SLC4A7: variants seen among roughly 807,000 people sequenced by gnomAD.
SLC4A7 encodes the protein sodium bicarbonate cotransporter 3.
In SLC4A7, 51 loss-of-function variants were observed where a neutral mutation model predicts 137.6. The observed-to-expected ratio is 0.37, with a 90% CI of 0.30 to 0.47. The LOEUF (loss-of-function observed/expected upper bound fraction) is 0.47, where lower values mean the gene tolerates loss of function less well. SLC4A7 is among the 20% of genes least tolerant of loss of function. The pLI, the probability that SLC4A7 is intolerant of heterozygous loss-of-function variation, is 1.00. For synonymous variants in SLC4A7, 542 were observed against 518.6 expected (o/e 1.05, Z -0.61); for missense variants, 1,247 against 1,525.4 (o/e 0.82, Z 3.04).
At chr3:27,383,334 A>C in intron 23 of SLC4A7, 84 bp from the exon 24 acceptor site, 1 of 953,750 alleles carries the variant, frequency 1.0e-6, no homozygotes, top group Non-Finnish European at 1.6e-6. Context: ...TTACAGACTT[A>C]GAAACCCAAA....
intron 10 of SLC4A7, among the ~76,000 whole-genome samples, chr3:27,419,023 T>G (rs1033800182): frequency 2.6e-5 from 4 of 152,194 alleles, no homozygotes; most frequent in African/African-American, 7.2e-5. Flanking sequence ...ATAATTTATT[T>G]AATGACCAAT....
At chr3:27,411,910 G>T (rs1049682317) in intron 11 of SLC4A7, among the ~76,000 whole-genome samples, 162 bp from the exon 12 acceptor site, 3 of 152,070 alleles carry the variant, frequency 2.0e-5, no homozygotes, top group African/African-American at 7.2e-5. Flanking sequence ...GAAATAGATT[G>T]CTCTTTAAAA....
chr3:27,484,119 G>C lies in SLC4A7; in HGVS notation c.8C>G (p.Ala3Gly). The C allele has an allele frequency of 7.2e-7, 1 of 1,383,620 alleles. No homozygotes were observed. Among genetic ancestry groups the C allele is most frequent in the Non-Finnish European group, 9.4e-7 (1 of 1,063,776 alleles). The allele number at this position is 1,383,620 out of a possible 1,614,324, so 85.7% of individuals were successfully genotyped here. Residue 3 changes from alanine (A) to glycine (G), a missense_variant, in exon 1 of 26, where the codon GCT becomes GGT. Transcript: ENST00000454389. The stretch of plus-strand genomic sequence containing the variant: ...TCTCATCTGCTCGCCGGCCCCATCA[G>C]CCTCCATGGCCGGCCGGCCAGCCCG... ME[A>G]DGAGEQMRPL...
At chr3:27,466,889 A>G (rs945025808) in intron 1 of SLC4A7, among the ~76,000 whole-genome samples, 12 of 152,112 alleles carry the variant, frequency 7.9e-5, no homozygotes, top group Non-Finnish European at 1.6e-4. Context: ...TTTTCTTTAT[A>G]TTTTCCTATA....
chr3:27,483,753 G>A (rs931175575), intron 1 of SLC4A7, among the ~76,000 whole-genome samples: 3 of 152,112 alleles, frequency 2.0e-5, no homozygotes, highest in African/African-American at 7.2e-5. Context: ...TGAGGGAAGG[G>A]ATGGATGGTC....
At chr3:27,440,195 G>T (rs550257448) in intron 3 of SLC4A7, among the ~76,000 whole-genome samples, 1 of 152,184 alleles carries the variant, frequency 6.6e-6, no homozygotes, top group Admixed American at 6.5e-5. Context: ...CTAAAATCAC[G>T]GTGTTGGCAG....
chr3:27,428,895 T>A (rs2055943795), intron 7 of SLC4A7, among the ~76,000 whole-genome samples: 1 of 152,174 alleles, frequency 6.6e-6, no homozygotes. Flanking sequence ...TTATTTTATA[T>A]TAGGCAAAAA....
chr3:27,416,088 A>G (rs1321740560), intron 11 of SLC4A7, among the ~76,000 whole-genome samples: 9 of 152,220 alleles, frequency 5.9e-5, no homozygotes, highest in African/African-American at 2.2e-4. Context: ...TATGAGTCCC[A>G]TGTTGTTACT....
intron 1 of SLC4A7, among the ~76,000 whole-genome samples, chr3:27,452,838 A>C (rs971538514): frequency 6.6e-6 from 1 of 152,192 alleles, no homozygotes; most frequent in African/African-American, 2.4e-5. Flanking sequence ...AGGAATCCTT[A>C]GATGTCAACA....
chr3:27,478,387 G>A (rs751715060), intron 1 of SLC4A7, among the ~76,000 whole-genome samples: 13 of 150,838 alleles, frequency 8.6e-5, no homozygotes, highest in South Asian at 2.1e-4. Flanking sequence ...GCGTGGTGGC[G>A]TGCGCCTGTA....
intron 11 of SLC4A7, 124 bp downstream of exon 11, chr3:27,418,362 G>GT (rs1219795022): frequency 7.1e-6 from 5 of 701,866 alleles, no homozygotes; most frequent in Non-Finnish European, 9.6e-6. Context: ...AAGTATGGGG[G>GT]TAAGAAGGTA....
At position 27,378,190 on chromosome 3, in the gene SLC4A7, G is replaced by A. The variant is rs1576036684; in HGVS notation, c.3698+1059C>T. Among the ~76,000 whole-genome samples the A allele has an allele frequency of 3.9e-5, 6 of 152,272 alleles. No individual in the cohort carries two copies. The South Asian group carries it at 1.2e-3, about 32-fold the overall frequency. On this transcript the variant is annotated intron_variant, in intron 25 of 25. Coordinates refer to ENST00000454389, the MANE Select transcript of SLC4A7 (RefSeq NM_001321103.2). ...CTGAGAAATTAGAACTCAGATGACAGAAGAGAAAAACATATGATAGAGAGT... is the reference window on the plus strand; with the variant it reads ...CTGAGAAATTAGAACTCAGATGACAAAAGAGAAAAACATATGATAGAGAGT...
At chr3:27,467,909 A>C (rs1348910770) in intron 1 of SLC4A7, among the ~76,000 whole-genome samples, 1 of 152,220 alleles carries the variant, frequency 6.6e-6, no homozygotes, top group Non-Finnish European at 1.5e-5. Flanking sequence ...TCAGAAAAAA[A>C]TTATCAAGGC....
At chr3:27,442,292 TC>T (rs1202148456) in intron 3 of SLC4A7, among the ~76,000 whole-genome samples, 1 of 152,194 alleles carries the variant, frequency 6.6e-6, no homozygotes, top group East Asian at 1.9e-4. Context: ...ATCTTGTATA[TC>T]TTTAGAGAAA....
At chr3:27,425,821 G>A (rs766473286) in intron 7 of SLC4A7, among the ~76,000 whole-genome samples, 2 of 151,302 alleles carry the variant, frequency 1.3e-5, no homozygotes, top group South Asian at 4.1e-4. Context: ...GTTTTCTAGT[G>A]CAAGAATATA....
At chr3:27,405,250 C>G (rs2053221712) in intron 13 of SLC4A7, among the ~76,000 whole-genome samples, 1 of 152,130 alleles carries the variant, frequency 6.6e-6, no homozygotes, top group Non-Finnish European at 1.5e-5. Context: ...ACACTCCAAA[C>G]TTTTTGAGTG....
At chr3:27,384,141 T>C (rs780856232) in intron 23 of SLC4A7, among the ~76,000 whole-genome samples, 7 of 152,118 alleles carry the variant, frequency 4.6e-5, no homozygotes, top group Non-Finnish European at 1.0e-4. Flanking sequence ...TTGACTATTT[T>C]GAGGTGTCAA....
intron 1 of SLC4A7, among the ~76,000 whole-genome samples, chr3:27,464,787 G>A (rs2058889035): frequency 6.6e-6 from 1 of 152,052 alleles, no homozygotes; most frequent in Non-Finnish European, 1.5e-5. Flanking sequence ...GACAATTTAC[G>A]AGCACTGGGA....
intron 1 of SLC4A7, among the ~76,000 whole-genome samples, chr3:27,458,578 T>C (rs7644226): frequency 0.031 from 4,674 of 152,282 alleles, 250 homozygotes; most frequent in African/African-American, 0.11. Context: ...GATATATACT[T>C]GGCAAATAAA....
Sources: allele counts gnomAD v4.1 joint callset (sites outside exome capture counted in the v4.1 genomes callset), GRCh38; gene constraint gnomAD v4.1.1; transcripts MANE v1.5; gene names NCBI Gene and HGNC (gene_info 2026-07-23, HGNC 2026-07-21).